The following TANC1 variants were observed in gnomAD, a reference collection of about 807,000 sequenced individuals.
The protein encoded by TANC1 is tetratricopeptide repeat, ankyrin repeat and coiled-coil containing 1, also known as protein TANC1.
Under a neutral mutation model 149.7 loss-of-function variants are expected in TANC1, and 77 were observed. The ratio of observed to expected loss-of-function variants is 0.51; its 90% confidence interval spans 0.43 to 0.62. TANC1 has a LOEUF of 0.62. TANC1 is among the 20% of genes least tolerant of loss of function. The pLI is 0.00. For missense variants in TANC1, 1,985 were observed against 2,321.8 expected, an observed-to-expected ratio of 0.85 and a Z score of 2.98; for synonymous variants, 854 against 925.0, an observed-to-expected ratio of 0.92 and a Z score of 1.39.
At chr2:159,028,750 GATT>G (rs2039549730) in intron 2 of TANC1, among the ~76,000 whole-genome samples, 1 of 152,084 alleles carries the variant, frequency 6.6e-6, no homozygotes, top group African/African-American at 2.4e-5. Context: ...CTATGAGTTT[GATT>G]ATTAATTAAT....
intron 2 of TANC1, among the ~76,000 whole-genome samples, chr2:159,042,639 C>T (rs1035458279): frequency 1.3e-5 from 2 of 151,948 alleles, no homozygotes; most frequent in African/African-American, 4.8e-5. Flanking sequence ...GTGTTCTGAG[C>T]ACAGAGAAAG....
intron 2 of TANC1, among the ~76,000 whole-genome samples, chr2:159,027,516 A>G (rs1013722463): frequency 2.6e-5 from 4 of 152,188 alleles, no homozygotes; most frequent in African/African-American, 9.7e-5. Context: ...TTTGGCCACC[A>G]CCACTTAAGC....
chr2:158,985,336 C>T (rs186290503), intron 1 of TANC1, among the ~76,000 whole-genome samples: 80 of 152,274 alleles, frequency 5.3e-4, no homozygotes, highest in Non-Finnish European at 9.7e-4. Context: ...TGTCCTGTGC[C>T]ACCATGGTTT....
chr2:159,203,680 C>G (rs2058409476), intron 19 of TANC1, among the ~76,000 whole-genome samples: 1 of 152,066 alleles, frequency 6.6e-6, no homozygotes, highest in South Asian at 2.1e-4. Flanking sequence ...GCTCCTCCCA[C>G]CTTGGGCTCC....
chr2:159,190,283 G>T (rs749971896), intron 16 of TANC1, among the ~76,000 whole-genome samples: 5 of 152,180 alleles, frequency 3.3e-5, no homozygotes, highest in Non-Finnish European at 5.9e-5. Flanking sequence ...AAGGTATGGG[G>T]TTGATGGGGG....
intron 4 of TANC1, 136 bp downstream of exon 4, chr2:159,097,970 C>G (rs1559255091): frequency 1.9e-6 from 1 of 515,308 alleles, no homozygotes; most frequent in East Asian, 3.9e-5. Flanking sequence ...AGAAATAAAT[C>G]TTTTTTTTTT....
intron 7 of TANC1, 135 bp downstream of exon 7, chr2:159,150,691 A>G: frequency 1.6e-6 from 1 of 639,430 alleles, no homozygotes; most frequent in South Asian, 1.9e-5. Flanking sequence ...CTTTGCAGGC[A>G]GCACTGACTC....
rs1034200637 is a variant in TANC1, at chr2:159,032,549, G to A, written c.-16+31360G>A. On this transcript the variant is annotated intron_variant, in intron 2 of 26. Transcript: ENST00000263635. ...CTTGCATGCATTTGGGGATTGAAAG[G>A]CTGTTAAAATATAACAGCCTGTAAT... Among the ~76,000 whole-genome samples the A allele has an allele frequency of 2.6e-5, 4 of 152,102 alleles. No individual in the cohort carries two copies. The East Asian group carries it at 7.7e-4, about 29-fold the overall frequency.
chr2:159,114,008 G>C (rs745719355), intron 4 of TANC1, among the ~76,000 whole-genome samples: 6 of 152,208 alleles, frequency 3.9e-5, no homozygotes, highest in Admixed American at 6.5e-5. Flanking sequence ...GGTCTTGCCA[G>C]ATACTTAATT....
chr2:159,173,498 G>A (rs1233127508), intron 11 of TANC1, among the ~76,000 whole-genome samples: 1 of 152,172 alleles, frequency 6.6e-6, no homozygotes, highest in Non-Finnish European at 1.5e-5. Flanking sequence ...CCAGCTACTC[G>A]GGAGGCTGAG....
At chr2:159,056,611 G>A in intron 2 of TANC1, 1 of 158,626 alleles carries the variant, frequency 6.3e-6, no homozygotes, top group Non-Finnish European at 1.4e-5. Context: ...CACTGCGCCT[G>A]GCCAGGTTTC....
In TANC1 at chr2:159,229,944, C is replaced by T. The variant is rs1447101962; in HGVS notation, c.4518C>T (p.Ser1506=). Residue 1506 remains serine, a synonymous_variant, in exon 27 of 27, where the codon AGC becomes AGT. Transcript: ENST00000263635. ...AAGGAAGGCCGGTATCGCCACAGAG[C>T]AGGGCAGGAATCGGCAAGTCCCTGA... ...QSKGRPVSPQ[S]RAGIGKSLRE... The T allele has an allele frequency of 1.2e-6, 2 of 1,614,094 alleles. No individual in the cohort carries two copies. Among genetic ancestry groups the T allele is most frequent in the Admixed American group, 3.3e-5 (2 of 60,034 alleles).
chr2:159,008,061 T>C (rs2037395120), intron 2 of TANC1, among the ~76,000 whole-genome samples: 1 of 152,268 alleles, frequency 6.6e-6, no homozygotes, highest in South Asian at 2.1e-4. Context: ...ACTGGATCAA[T>C]TGAAAAATTT....
At chr2:159,216,600 G>C (rs1381247603) in intron 19 of TANC1, among the ~76,000 whole-genome samples, 3 of 152,200 alleles carry the variant, frequency 2.0e-5, no homozygotes, top group South Asian at 4.1e-4. Flanking sequence ...GAATCGGGGA[G>C]TGGGGATGCC....
At chr2:158,976,366 A>G (rs529604872) in intron 1 of TANC1, among the ~76,000 whole-genome samples, 200 of 152,312 alleles carry the variant, frequency 1.3e-3, no homozygotes, top group African/African-American at 4.4e-3. Flanking sequence ...TGGTACCCTC[A>G]TTCTTATTCT....
intron 3 of TANC1, among the ~76,000 whole-genome samples, chr2:159,088,290 T>G (rs1032969979): frequency 1.3e-5 from 2 of 152,224 alleles, no homozygotes; most frequent in African/African-American, 4.8e-5. Context: ...TCTTAGGTTT[T>G]TAGAAAAATT....
chr2:159,212,223 C>A (rs531083535), intron 19 of TANC1, among the ~76,000 whole-genome samples: 3 of 152,198 alleles, frequency 2.0e-5, no homozygotes, highest in African/African-American at 7.2e-5. Flanking sequence ...CTTTGCATGG[C>A]ATCATGCAAA....
chr2:159,089,530 C>T (rs1574583550), intron 3 of TANC1, among the ~76,000 whole-genome samples: 1 of 152,224 alleles, frequency 6.6e-6, no homozygotes, highest in South Asian at 2.1e-4. Flanking sequence ...CTTCCCTGTC[C>T]TCCCATTACA....
rs2057693875 is a variant in TANC1, at chr2:159,194,320, G to T, written c.2806G>T (p.Ala936Ser). Residue 936 changes from alanine to serine, a missense_variant, in exon 17 of 27, where the codon GCC (alanine) becomes TCC (serine). Ala to Ser is a moderately conservative substitution (Grantham distance 99). This residue lies in a region of TANC1 where 508 missense variants were observed against 714.2 expected (regional missense o/e 0.71). Transcript: ENST00000263635. ...VNYRTEVLNNAPILCVQSHLG... is the reference protein window; with the variant it reads ...VNYRTEVLNNSPILCVQSHLG... ...CTACAGGACAGAAGTGTTAAATAAT[G>T]CCCCAATCCTGTGCGTCCAGTCTCA... 2 of 1,614,232 alleles carry T rather than the reference G, an allele frequency of 1.2e-6. No individual in the cohort carries two copies. Among genetic ancestry groups the T allele is most frequent in the Non-Finnish European group, 1.7e-6 (2 of 1,180,046 alleles).
Sources: gnomAD v4.1 joint callset for allele counts (sites outside exome capture counted in the v4.1 genomes callset) on GRCh38, gnomAD v4.1.1 for gene constraint, gnomAD v4.1.1 regional missense constraint, MANE v1.5 for transcripts, NCBI Gene and HGNC (gene_info 2026-07-23, HGNC 2026-07-21) for gene names.